The following FGF22 variants were observed in gnomAD, a reference collection of about 807,000 sequenced individuals.
The protein encoded by FGF22 is fibroblast growth factor 22, also known as FGF-22.
Under a neutral mutation model 10.3 loss-of-function variants are expected in FGF22, and 11 were observed. The ratio of observed to expected loss-of-function variants is 1.07; its 90% CI spans 0.67 to 1.77. FGF22 has a LOEUF of 1.77. Ranked by LOEUF, FGF22 falls within the 40% of genes most tolerant of loss-of-function variation. The probability of loss-of-function intolerance (pLI) is 0.00; values close to 1 mark genes in which losing one functional copy is unlikely to be tolerated. For synonymous variants in FGF22, 136 were observed against 122.1 expected (o/e 1.11, Z -0.75); for missense variants, 317 against 273.2 (o/e 1.16, Z -1.13).
At chr19:643,163 A>G in intron 1 of FGF22, 72 bp from the exon 2 acceptor site, 1 of 434,738 alleles carries the variant, frequency 2.3e-6, no homozygotes, top group African/African-American at 7.0e-5. Context: ...AGGGCCCTGC[A>G]CGAAGCACAG....
exon 3 of FGF22, chr19:643,439 G>A (rs200190915): frequency 6.2e-5 from 100 of 1,611,524 alleles, no homozygotes; most frequent in Non-Finnish European, 8.1e-5. Flanking sequence ...GCAGGTTCCG[G>A]GAGCGCATCG....
At chr19:641,821 G>A (rs903513415) in intron 1 of FGF22, among the ~76,000 whole-genome samples, 7 of 152,156 alleles carry the variant, frequency 4.6e-5, no homozygotes, top group Admixed American at 6.5e-5. Flanking sequence ...GGAGCTGGCC[G>A]GGCACGCAGG....
At chr19:643,590 G>A (rs772365209) in exon 3 of FGF22, 15 of 1,546,188 alleles carry the variant, frequency 9.7e-6, no homozygotes, top group South Asian at 3.5e-5. Flanking sequence ...CTTCCTGCCC[G>A]TCCTGGTCTC....
chr19:643,713 TGCGGGC>T (rs1423251587), exon 3 of FGF22: 14 of 966,508 alleles, frequency 1.4e-5, no homozygotes, highest in Non-Finnish European at 1.8e-5. Flanking sequence ...GCCCACCGTG[TGCGGGC>T]GCTGTGGACA....
rs147411409 is a variant in FGF22 at position 640,660 on chromosome 19, G to A, written c.214+521G>A. 71 of 155,688 alleles carry A rather than the reference G, an allele frequency of 4.6e-4. 1 individual carries two copies. Among genetic ancestry groups the A allele is most frequent in the Admixed American group, 1.2e-3 (19 of 15,746 alleles). 9.6% of individuals were successfully genotyped at this position (155,688 alleles called of 1,614,324 possible). On this transcript the variant is annotated intron_variant, in intron 1 of 2. Transcript: ENST00000215530. ...GTCCCCACAGGGCCCAGGACGTCACGGAGCGGGCGTCTCTGTCCCCAGGGT... is the reference window on the plus strand; with the variant it reads ...GTCCCCACAGGGCCCAGGACGTCACAGAGCGGGCGTCTCTGTCCCCAGGGT...
At chr19:640,101 G>A in exon 1 of FGF22, 2 of 1,394,356 alleles carry the variant, frequency 1.4e-6, no homozygotes, top group South Asian at 1.5e-5. Flanking sequence ...GATCCCGGCG[G>A]CCGCGTGCAG....
chr19:643,406 G>A lies in FGF22; in HGVS notation c.319-4G>A, dbSNP rs372364216. 1.7e-5 allele frequency: 28 copies of A among 1,600,954 alleles called. No individual in the cohort carries two copies. Among genetic ancestry groups the A allele is most frequent in the Admixed American group, 1.5e-4 (9 of 59,684 alleles). ...GGGTGGGCCGGCCTCACCCCCGCCCGCAGCGACTCTACACCGTGGACTGCA... is the reference window on the plus strand; with the variant it reads ...GGGTGGGCCGGCCTCACCCCCGCCCACAGCGACTCTACACCGTGGACTGCA... On this transcript the variant is annotated splice_polypyrimidine_tract_variant and splice_region_variant and intron_variant, in intron 2 of 2. Coordinates refer to ENST00000215530, the Ensembl canonical transcript of FGF22.
chr19:642,900 G>C lies in FGF22; in HGVS notation c.215-335G>C, dbSNP rs550315351. Among the ~76,000 whole-genome samples the C allele has an allele frequency of 8.5e-5, 13 of 152,150 alleles. No individual in the cohort carries two copies. The East Asian group carries it at 1.9e-3, about 23-fold the overall frequency. ...AGCCCCCCCGCCATACACACACACA[G>C]ATGCTGCTCTTGGGCTGAGCTGCAG... is the stretch of plus-strand genomic sequence containing the variant. On this transcript the variant is annotated intron_variant, in intron 1 of 2. Transcript: ENST00000215530.
chr19:640,439 GC>G (rs1985864025), intron 1 of FGF22: 1 of 281,028 alleles, frequency 3.6e-6, no homozygotes, highest in East Asian at 5.9e-5. Context: ...AGGGGCTGGG[GC>G]AGGCCCAGCT....
intron 2 of FGF22, 28 bp downstream of exon 2, chr19:643,366 C>A: frequency 1.4e-6 from 1 of 725,260 alleles, no homozygotes; most frequent in African/African-American, 2.1e-5. Flanking sequence ...CTGGGCGGCG[C>A]GGGCAGGGTG....
intron 1 of FGF22, 38 bp from the exon 2 acceptor site, chr19:643,197 G>C: frequency 2.8e-6 from 4 of 1,430,106 alleles, no homozygotes; most frequent in Non-Finnish European, 3.9e-6. Context: ...TGCTGGGGGT[G>C]AGCCAGCAAG....
In FGF22 at chr19:643,573, C is replaced by A. The variant is rs1985987579; in HGVS notation, c.482C>A (p.Ser161Tyr). The A allele has an allele frequency of 3.2e-6, 5 of 1,565,346 alleles. No individual in the cohort carries two copies. In the East Asian group the frequency reaches 1.2e-4, roughly 37 times the overall value. ...GGCCGGACGCGGCGGTACCACCTGT[C>A]CGCCCACTTCCTGCCCGTCCTGGTC... Residue 161 changes from serine to tyrosine, a missense_variant, in exon 3 of 3, where the codon TCC (serine) becomes TAC (tyrosine). Transcript: ENST00000215530.
At chr19:643,925 A>G (rs982241866) in exon 3 of FGF22, 2 of 19,810 alleles carry the variant, frequency 1.0e-4, no homozygotes, top group Non-Finnish European at 2.1e-4. Flanking sequence ...GCACGTTGGG[A>G]GTGGGGGCAG....
chr19:641,187 C>T (rs866146518), intron 1 of FGF22: 1 of 456,490 alleles, frequency 2.2e-6, no homozygotes, highest in Non-Finnish European at 4.4e-6. Context: ...CATGGGGGAC[C>T]CAGTGGTGAC....
chr19:640,147 C>A lies in FGF22; in HGVS notation c.214+8C>A, dbSNP rs1157620150. The A allele has an allele frequency of 3.2e-6, 4 of 1,244,648 alleles. No homozygotes were observed. Among genetic ancestry groups the A allele is most frequent in the Non-Finnish European group, 4.0e-6 (4 of 990,964 alleles). The allele number at this position is 1,244,648 out of a possible 1,614,324, so 77.1% of individuals were successfully genotyped here. The stretch of plus-strand genomic sequence containing the variant: ...GGCGCCACGGCCAGGACAGTGAGTG[C>A]GGGGCGGCGGGGGCCTGGGGTGGGG... On this transcript the variant is annotated splice_region_variant and intron_variant, in intron 1 of 2. Coordinates refer to ENST00000215530, the Ensembl canonical transcript of FGF22.
intron 1 of FGF22, chr19:640,732 G>A (rs1985871511): frequency 5.3e-6 from 1 of 188,730 alleles, no homozygotes; most frequent in Non-Finnish European, 1.1e-5. Context: ...GGAATGTCAG[G>A]AGCAAGAGGA....
intron 1 of FGF22, 91 bp from the exon 2 acceptor site, chr19:643,144 G>C (rs1362823386): frequency 1.2e-5 from 3 of 245,744 alleles, no homozygotes; most frequent in Admixed American, 9.7e-5. Flanking sequence ...GGTATCTGTC[G>C]TGGTCCTGAG....
At chr19:642,234 A>C (rs56704509) in intron 1 of FGF22, among the ~76,000 whole-genome samples, 55,308 of 77,772 alleles carry the variant, frequency 0.71, 19,348 homozygotes, top group East Asian at 0.94. Context: ...GGGGCTCCAT[A>C]TGGGGTGGTG....
exon 3 of FGF22, chr19:643,860 G>A: frequency 6.3e-6 from 3 of 477,074 alleles, no homozygotes; most frequent in South Asian, 3.4e-5. Flanking sequence ...ACGTCGAAAG[G>A]TCGAGGGGGA....
Sources: gnomAD v4.1 joint callset for allele counts (sites outside exome capture counted in the v4.1 genomes callset) on GRCh38, gnomAD v4.1.1 for gene constraint, MANE v1.5 for transcripts, NCBI Gene and HGNC (gene_info 2026-07-23, HGNC 2026-07-21) for gene names.